The following SLC10A7 variants were observed in gnomAD, a reference collection of about 807,000 sequenced individuals.
SLC10A7 encodes the protein solute carrier family 10 member 7.
A neutral mutation model predicts 43.2 loss-of-function variants in SLC10A7; 29 were observed. That is an observed-to-expected ratio of 0.67 (90% CI 0.50 to 0.92). SLC10A7 has a LOEUF of 0.92. Ranked by LOEUF, SLC10A7 falls within the 40% of genes least tolerant of loss-of-function variation. The pLI, the probability that SLC10A7 is intolerant of heterozygous loss-of-function variation, is 0.00. For missense variants in SLC10A7, 295 were observed against 403.2 expected (o/e 0.73, Z 2.30); for synonymous variants, 152 against 144.8 (o/e 1.05, Z -0.35).
chr4:146,293,068 T>C (rs1217292382), intron 8 of SLC10A7, 88 bp from the exon 9 acceptor site: 4 of 785,028 alleles, frequency 5.1e-6, no homozygotes, highest in South Asian at 3.8e-5. Flanking sequence ...ATCTAAAATT[T>C]ATAGGAACTA....
intron 5 of SLC10A7, among the ~76,000 whole-genome samples, chr4:146,371,665 G>A (rs1430822135): frequency 2.0e-5 from 3 of 152,118 alleles, no homozygotes; most frequent in East Asian, 3.9e-4. Context: ...AGTGACCTGG[G>A]GTGAATAAAC....
chr4:146,358,831 A>G (rs552822926), intron 5 of SLC10A7, among the ~76,000 whole-genome samples: 2 of 152,298 alleles, frequency 1.3e-5, no homozygotes, highest in East Asian at 3.9e-4. Context: ...GTTGCTAAAA[A>G]CATTCCTGAA....
intron 5 of SLC10A7, among the ~76,000 whole-genome samples, chr4:146,367,584 T>A (rs1024170172): frequency 1.3e-5 from 2 of 152,206 alleles, no homozygotes; most frequent in Non-Finnish European, 2.9e-5. Flanking sequence ...CTATCTGTAA[T>A]GTTTTCCATG....
intron 4 of SLC10A7, among the ~76,000 whole-genome samples, chr4:146,497,583 T>C (rs2150018523): frequency 6.6e-6 from 1 of 152,304 alleles, no homozygotes; most frequent in East Asian, 1.9e-4. Context: ...GGCAATGGCT[T>C]TTCGCTGAAT....
rs147719906 is a variant in SLC10A7, at chr4:146,380,818, T to A, written c.436-54822A>T. The stretch of plus-strand genomic sequence containing the variant: ...TAACATTATAGAGGGAATAAAGTAA[T>A]CTCTATACTTACAAAAACATATAAT... On this transcript the variant is annotated intron_variant, in intron 5 of 11. Coordinates refer to ENST00000335472, the MANE Select transcript of SLC10A7 (RefSeq NM_001029998.6). 2.6e-3 allele frequency among the ~76,000 whole-genome samples: 399 copies of A among 152,250 alleles called. 9 individuals carry two copies. Among genetic ancestry groups the A allele is most frequent in the Admixed American group, 0.023 (346 of 15,270 alleles).
At chr4:146,393,801 A>T (rs1438215649) in intron 5 of SLC10A7, among the ~76,000 whole-genome samples, 1 of 152,120 alleles carries the variant, frequency 6.6e-6, no homozygotes, top group Non-Finnish European at 1.5e-5. Context: ...TATAATCTGA[A>T]TATAAAATGT....
At chr4:146,339,179 A>G (rs1170521870) in intron 5 of SLC10A7, among the ~76,000 whole-genome samples, 1 of 152,028 alleles carries the variant, frequency 6.6e-6, no homozygotes, top group Non-Finnish European at 1.5e-5. Context: ...AATCAAAATC[A>G]CTATTCAGAT....
intron 5 of SLC10A7, among the ~76,000 whole-genome samples, chr4:146,364,716 C>T (rs1736276680): frequency 6.6e-6 from 1 of 151,952 alleles, no homozygotes; most frequent in African/African-American, 2.4e-5. Context: ...TTCAGTAGCA[C>T]AATAGGGCAA....
chr4:146,378,541 T>C (rs557769738), intron 5 of SLC10A7, among the ~76,000 whole-genome samples: 2 of 152,280 alleles, frequency 1.3e-5, no homozygotes, highest in African/African-American at 4.8e-5. Flanking sequence ...AATTATGCCA[T>C]AATGCTCAAT....
chr4:146,318,908 T>C (rs146463447), intron 6 of SLC10A7, among the ~76,000 whole-genome samples: 7 of 152,136 alleles, frequency 4.6e-5, no homozygotes, highest in Non-Finnish European at 1.0e-4. Flanking sequence ...CCAGTTCTAC[T>C]TACAACTATC....
chr4:146,413,138 T>C (rs951222605), intron 5 of SLC10A7, among the ~76,000 whole-genome samples: 2 of 152,142 alleles, frequency 1.3e-5, no homozygotes, highest in African/African-American at 4.8e-5. Flanking sequence ...ACTTCATTTA[T>C]CTAGGATCAC....
intron 5 of SLC10A7, among the ~76,000 whole-genome samples, chr4:146,377,760 C>T (rs1028139642): frequency 3.3e-5 from 5 of 152,138 alleles, no homozygotes; most frequent in African/African-American, 1.2e-4. Context: ...ATGTAAACTC[C>T]ACAAGGGCAG....
chr4:146,491,567 G>C (rs1445628701), intron 4 of SLC10A7, among the ~76,000 whole-genome samples: 1 of 151,818 alleles, frequency 6.6e-6, no homozygotes, highest in Non-Finnish European at 1.5e-5. Flanking sequence ...AAAGGCGAGG[G>C]AAAGAAAGAA....
intron 10 of SLC10A7, among the ~76,000 whole-genome samples, chr4:146,282,808 G>T (rs1273542503): frequency 6.6e-6 from 1 of 152,064 alleles, no homozygotes; most frequent in South Asian, 2.1e-4. Context: ...TGAGCTGCTG[G>T]AAAATAAGTT....
chr4:146,300,824 A>G (rs1168045055), intron 7 of SLC10A7, among the ~76,000 whole-genome samples: 1 of 152,198 alleles, frequency 6.6e-6, no homozygotes, highest in Non-Finnish European at 1.5e-5. Flanking sequence ...GGAAAGAAGT[A>G]AGTCATTGTT....
chr4:146,513,387 T>C (rs1737658094), intron 2 of SLC10A7, among the ~76,000 whole-genome samples: 1 of 152,124 alleles, frequency 6.6e-6, no homozygotes, highest in Admixed American at 6.5e-5. Context: ...ACAATTTTAT[T>C]TGTAAAATAT....
intron 5 of SLC10A7, among the ~76,000 whole-genome samples, chr4:146,372,769 A>G (rs1174467265): frequency 6.6e-6 from 1 of 152,220 alleles, no homozygotes; most frequent in Non-Finnish European, 1.5e-5. Context: ...ATGGCAGAGA[A>G]GCATGTTAAC....
chr4:146,406,363 C>T (rs1727694626), intron 5 of SLC10A7, among the ~76,000 whole-genome samples: 1 of 152,146 alleles, frequency 6.6e-6, no homozygotes, highest in African/African-American at 2.4e-5. Flanking sequence ...TAAAATTTTG[C>T]TTTTAAGCCT....
intron 5 of SLC10A7, among the ~76,000 whole-genome samples, chr4:146,434,718 C>A (rs2149876743): frequency 6.6e-6 from 1 of 152,262 alleles, no homozygotes; most frequent in South Asian, 2.1e-4. Flanking sequence ...CATGTGCCAC[C>A]ATGCCTGGCT....
Sources: gnomAD v4.1 joint callset for allele counts (sites outside exome capture counted in the v4.1 genomes callset) on GRCh38, gnomAD v4.1.1 for gene constraint, MANE v1.5 for transcripts, NCBI Gene and HGNC (gene_info 2026-07-23, HGNC 2026-07-21) for gene names.